Variants in DDX60L observed in about 807,000 individuals in gnomAD.
DDX60L encodes probable ATP-dependent RNA helicase DDX60-like.
A neutral mutation model predicts 211.6 loss-of-function variants in DDX60L; 191 were observed. The ratio of observed to expected loss-of-function variants is 0.90; its 90% confidence interval spans 0.80 to 1.02. The LOEUF is 1.02. DDX60L is among the 50% of genes least tolerant of loss of function. The pLI is 0.00. For synonymous variants in DDX60L, 706 were observed against 694.1 expected (o/e 1.02, Z -0.27); for missense variants, 2,007 against 1,984.1 (o/e 1.01, Z -0.22).
chr4:168,361,280 T>A, intron 36 of DDX60L, 69 bp from the exon 37 acceptor site: 1 of 1,043,202 alleles, frequency 9.6e-7, no homozygotes, highest in Non-Finnish European at 1.5e-6. Flanking sequence ...ACTCAAACTT[T>A]AATAGTGGTC....
intron 29 of DDX60L, chr4:168,390,581 AAATTTATATTTTAT>A: frequency 1.0e-6 from 1 of 978,926 alleles, no homozygotes; most frequent in Non-Finnish European, 1.4e-6. Context: ...CAAAATGATA[AAATTTATATTTTAT>A]AATTTATCTT....
Position 168,358,301 on chromosome 4 carries a change from A to T in DDX60L, c.4992-25T>A, listed in dbSNP as rs781134168. 17 of 1,426,764 alleles carry T rather than the reference A, an allele frequency of 1.2e-5. No homozygotes were observed. In the Admixed American group the frequency reaches 1.3e-4, roughly 11 times the overall value. The allele number at this position is 1,426,764 out of a possible 1,614,324, so 88.4% of individuals were successfully genotyped here. On this transcript the variant is annotated intron_variant, in intron 37 of 37. Transcript: ENST00000682922. ...ACTGTATAAATGATAATAATAATAA[A>T]AAAATAATGAGCCCACATTTTTATA...
At chr4:168,429,562 A>G (rs756566982) in intron 13 of DDX60L, among the ~76,000 whole-genome samples, 1 of 152,272 alleles carries the variant, frequency 6.6e-6, no homozygotes, top group African/African-American at 2.4e-5. Context: ...TAAAAAAGAT[A>G]GAATACTAGA....
At chr4:168,406,776 C>T in intron 22 of DDX60L, 70 bp from the exon 23 acceptor site, 1 of 1,145,148 alleles carries the variant, frequency 8.7e-7, no homozygotes, top group Non-Finnish European at 1.2e-6. Flanking sequence ...TTTATTTTAT[C>T]TTTCATGACT....
intron 37 of DDX60L, 116 bp downstream of exon 37, chr4:168,361,033 A>G: frequency 1.3e-6 from 1 of 762,986 alleles, no homozygotes; most frequent in Non-Finnish European, 2.2e-6. Flanking sequence ...GGGAGGCTCA[A>G]TAGTATCTTC....
intron 26 of DDX60L, among the ~76,000 whole-genome samples, chr4:168,398,025 C>T (rs907146514): frequency 1.3e-5 from 2 of 152,180 alleles, no homozygotes; most frequent in Non-Finnish European, 2.9e-5. Context: ...TCCCCGTGCA[C>T]TTGGGTGCCA....
intron 30 of DDX60L, among the ~76,000 whole-genome samples, chr4:168,384,000 G>C (rs909708070): frequency 6.6e-6 from 1 of 152,068 alleles, no homozygotes; most frequent in Non-Finnish European, 1.5e-5. Context: ...ATATAAAGCA[G>C]GCAGAAAAAA....
Position 168,432,574 on chromosome 4 carries a change from T to C in DDX60L, c.1401-4A>G. 2.0e-6 allele frequency: 3 copies of C among 1,504,452 alleles called. No homozygotes were observed. The highest frequency in any genetic ancestry group is 2.7e-6 in the Non-Finnish European group (3 of 1,116,016). 93.2% of individuals were successfully genotyped at this position (1,504,452 alleles called of 1,614,324 possible). A position where few individuals can be genotyped will look rare whatever the true frequency, so the allele number is the denominator to read the frequency against. On this transcript the variant is annotated splice_region_variant and splice_polypyrimidine_tract_variant and intron_variant, in intron 11 of 37. Coordinates refer to ENST00000682922, the MANE Select transcript of DDX60L (RefSeq NM_001012967.3). ...TGAAGGAACAACCGGATCATCACTG[T>C]AAAAATAAATACATAATTTTTTTAA...
At chr4:168,391,906 T>C (rs1744901488) in intron 28 of DDX60L, among the ~76,000 whole-genome samples, 2 of 152,278 alleles carry the variant, frequency 1.3e-5, no homozygotes, top group East Asian at 1.9e-4. Context: ...TTCTGATCTC[T>C]ATATAAATGT....
intron 34 of DDX60L, 112 bp from the exon 35 acceptor site, chr4:168,373,920 G>T: frequency 9.4e-7 from 1 of 1,060,160 alleles, no homozygotes; most frequent in South Asian, 1.6e-5. Context: ...TCATCAGAAT[G>T]AAAACTGATT....
intron 10 of DDX60L, among the ~76,000 whole-genome samples, chr4:168,440,266 C>T (rs1289447774): frequency 6.6e-6 from 1 of 152,178 alleles, no homozygotes; most frequent in Non-Finnish European, 1.5e-5. Context: ...GGAAGCAATT[C>T]TAAAATTCCA....
Position 168,472,523 on chromosome 4 carries a change from C to T in DDX60L, c.6G>A (p.Gly2=). The change falls in exon 3 of 38, where the codon GGG becomes GGA. Residue 2 remains glycine (G), a splice_region_variant and synonymous_variant. Transcript: ENST00000682922. The stretch of plus-strand genomic sequence containing the variant: ...TGAAAAATACTGCATGATCCTTTGA[C>T]CCTAAAAATAAGGAGATTTTTTGAG... The part of the protein sequence containing the change: M[G]SKDHAVFFRE... The T allele has an allele frequency of 6.3e-7, 1 of 1,580,060 alleles. No individual in the cohort carries two copies. The highest frequency in any genetic ancestry group is 8.6e-7 in the Non-Finnish European group (1 of 1,161,720).
intron 29 of DDX60L, chr4:168,390,412 G>GAA: frequency 7.8e-7 from 1 of 1,287,214 alleles, no homozygotes; most frequent in Non-Finnish European, 9.8e-7. Context: ...TTGAGAAAAG[G>GAA]AAAATATGGC....
chr4:168,420,531 G>A (rs1237450064), intron 17 of DDX60L, among the ~76,000 whole-genome samples, 151 bp from the exon 18 acceptor site: 3 of 132,626 alleles, frequency 2.3e-5, no homozygotes. Context: ...ATGAAGTAGG[G>A]AAAAATACAG....
intron 1 of DDX60L, among the ~76,000 whole-genome samples, chr4:168,477,352 T>A (rs1759704925): frequency 2.0e-5 from 3 of 151,732 alleles, no homozygotes; most frequent in Admixed American, 2.0e-4. Flanking sequence ...GAGGCGGAGC[T>A]TGCAGTGAGC....
chr4:168,376,036 C>T (rs1741890031), intron 33 of DDX60L, among the ~76,000 whole-genome samples: 1 of 152,172 alleles, frequency 6.6e-6, no homozygotes, highest in Admixed American at 6.5e-5. Context: ...TTGTTCCAAA[C>T]CTGACAGGTA....
chr4:168,439,170 C>A (rs1473139235), intron 10 of DDX60L, among the ~76,000 whole-genome samples: 1 of 152,112 alleles, frequency 6.6e-6, no homozygotes, highest in Non-Finnish European at 1.5e-5. Context: ...AAGAGGTAGA[C>A]TGAAATGGTC....
chr4:168,388,859 C>T (rs1560967958), intron 29 of DDX60L, among the ~76,000 whole-genome samples: 1 of 152,128 alleles, frequency 6.6e-6, no homozygotes, highest in East Asian at 1.9e-4. Flanking sequence ...CAAGGTAATG[C>T]TGACATGGTG....
rs1746669771 is a variant in DDX60L, at chr4:168,400,857, G to T, written c.3460C>A (p.Leu1154Ile). ...TTCTGTGTCTTCCTCACTTTTTCAAGTACTTCATCTATTGCAAAGACATAA... is the reference window on the plus strand; with the variant it reads ...TTCTGTGTCTTCCTCACTTTTTCAATTACTTCATCTATTGCAAAGACATAA... ...HSYVFAIDEVLEKVRKTQKRI... is the reference protein window; with the variant it reads ...HSYVFAIDEVIEKVRKTQKRI... Residue 1154 changes from leucine to isoleucine, a missense_variant, in exon 26 of 38, where the codon CTT becomes ATT. Leu to Ile is a conservative substitution (Grantham distance 5). Coordinates refer to ENST00000682922, the MANE Select transcript of DDX60L (RefSeq NM_001012967.3). 1.2e-6 allele frequency: 2 copies of T among 1,612,350 alleles called. No homozygotes were observed. Among genetic ancestry groups the T allele is most frequent in the Admixed American group, 1.7e-5 (1 of 59,742 alleles).
Sources: allele counts gnomAD v4.1 joint callset (sites outside exome capture counted in the v4.1 genomes callset), GRCh38; gene constraint gnomAD v4.1.1; transcripts MANE v1.5; gene names NCBI Gene and HGNC (gene_info 2026-07-23, HGNC 2026-07-21).